The following LHFPL3 variants were observed in gnomAD, a reference collection of about 807,000 sequenced individuals.
LHFPL3 encodes the protein LHFPL tetraspan subfamily member 3.
A neutral mutation model predicts 19.3 loss-of-function variants in LHFPL3; 5 were observed. That is an observed-to-expected ratio of 0.26 (90% CI 0.14 to 0.54). LHFPL3 has a LOEUF of 0.54. LHFPL3 is among the 20% of genes least tolerant of loss of function. LHFPL3 has a pLI of 0.94. For synonymous variants in LHFPL3, 133 were observed against 126.2 expected, an observed-to-expected ratio of 1.05 and a Z score of -0.36; for missense variants, 249 against 307.4, an observed-to-expected ratio of 0.81 and a Z score of 1.42.
intron 2 of LHFPL3, among the ~76,000 whole-genome samples, chr7:104,742,480 CTT>C (rs1034146952): frequency 3.3e-5 from 5 of 152,166 alleles, no homozygotes; most frequent in African/African-American, 1.2e-4. Flanking sequence ...ATTGAGAAAT[CTT>C]TCAAAATTTT....
intron 1 of LHFPL3, among the ~76,000 whole-genome samples, chr7:104,447,893 A>G (rs965230647): frequency 6.6e-6 from 1 of 152,168 alleles, no homozygotes; most frequent in African/African-American, 2.4e-5. Context: ...TTCAGGACAC[A>G]TGTACTATGT....
chr7:104,352,607 C>T (rs1262231645), intron 1 of LHFPL3, among the ~76,000 whole-genome samples: 1 of 152,194 alleles, frequency 6.6e-6, no homozygotes, highest in Non-Finnish European at 1.5e-5. Context: ...ATGTACCCTG[C>T]AAATTGGAAT....
At chr7:104,671,157 T>C (rs1186542357) in intron 1 of LHFPL3, among the ~76,000 whole-genome samples, 1 of 152,066 alleles carries the variant, frequency 6.6e-6, no homozygotes, top group Non-Finnish European at 1.5e-5. Flanking sequence ...GACAAAGGTG[T>C]GTACCAAGTG....
chr7:104,903,915 T>G (rs73419723), intron 2 of LHFPL3, among the ~76,000 whole-genome samples: 1 of 152,200 alleles, frequency 6.6e-6, no homozygotes, highest in African/African-American at 2.4e-5. Flanking sequence ...GTCTTTTTGG[T>G]AGAAGGATTT....
chr7:104,598,733 C>T (rs759548061), intron 1 of LHFPL3, among the ~76,000 whole-genome samples: 11 of 152,222 alleles, frequency 7.2e-5, no homozygotes, highest in Non-Finnish European at 1.0e-4. Context: ...CAAACAAAGG[C>T]AATTCTGCAA....
intron 2 of LHFPL3, among the ~76,000 whole-genome samples, chr7:104,804,501 T>C (rs1790316394): frequency 6.6e-6 from 1 of 152,230 alleles, no homozygotes; most frequent in Non-Finnish European, 1.5e-5. Flanking sequence ...GGCAAGACTT[T>C]GTAACATGCT....
intron 1 of LHFPL3, among the ~76,000 whole-genome samples, chr7:104,431,058 T>G (rs929680326): frequency 5.3e-5 from 8 of 152,242 alleles, no homozygotes; most frequent in Non-Finnish European, 8.8e-5. Flanking sequence ...TTCCTTCTTA[T>G]GTAAAAAGAC....
chr7:104,423,940 A>C (rs1378458267), intron 1 of LHFPL3, among the ~76,000 whole-genome samples: 2 of 152,224 alleles, frequency 1.3e-5, no homozygotes, highest in Non-Finnish European at 2.9e-5. Flanking sequence ...GCAGTCCAAA[A>C]GGTTTGCAGA....
chr7:104,903,245 G>A (rs2116733855), intron 2 of LHFPL3, among the ~76,000 whole-genome samples: 1 of 152,158 alleles, frequency 6.6e-6, no homozygotes, highest in African/African-American at 2.4e-5. Context: ...AGTCAAACCA[G>A]GCAGCTTAGC....
intron 2 of LHFPL3, among the ~76,000 whole-genome samples, chr7:104,900,421 C>T (rs181144099): frequency 1.1e-3 from 169 of 152,352 alleles, no homozygotes; most frequent in Non-Finnish European, 1.7e-3. Flanking sequence ...GTCAAAGTCT[C>T]ATTGTCCACT....
At chr7:104,498,743 G>T (rs971095624) in intron 1 of LHFPL3, among the ~76,000 whole-genome samples, 4 of 152,258 alleles carry the variant, frequency 2.6e-5, no homozygotes, top group African/African-American at 7.2e-5. Context: ...CTTCCAAAGT[G>T]TTGGGATTAT....
At chr7:104,815,920 A>G (rs1391458447) in intron 2 of LHFPL3, among the ~76,000 whole-genome samples, 1 of 152,150 alleles carries the variant, frequency 6.6e-6, no homozygotes, top group Non-Finnish European at 1.5e-5. Context: ...AGAATGAGGG[A>G]TTCATGCATG....
chr7:104,728,095 A>C (rs773853204), intron 1 of LHFPL3, among the ~76,000 whole-genome samples: 7 of 152,168 alleles, frequency 4.6e-5, no homozygotes, highest in Non-Finnish European at 1.0e-4. Flanking sequence ...GAAGAATCAA[A>C]TATGACCCAC....
chr7:104,807,369 T>C (rs541122853), intron 2 of LHFPL3, among the ~76,000 whole-genome samples: 2 of 152,280 alleles, frequency 1.3e-5, no homozygotes, highest in African/African-American at 4.8e-5. Context: ...AAGGAATCAA[T>C]CCTGCCGACA....
intron 1 of LHFPL3, among the ~76,000 whole-genome samples, chr7:104,735,158 G>A (rs945080751): frequency 2.0e-5 from 3 of 152,246 alleles, no homozygotes; most frequent in Non-Finnish European, 4.4e-5. Flanking sequence ...AGGCTACTCA[G>A]GAGTGAGGGA....
At chr7:104,559,936 A>G (rs1789950046) in intron 1 of LHFPL3, among the ~76,000 whole-genome samples, 1 of 149,848 alleles carries the variant, frequency 6.7e-6, no homozygotes. Flanking sequence ...TATTGAGATA[A>G]TCATGTGGTT....
chr7:104,664,562 G>A (rs1792295630), intron 1 of LHFPL3, among the ~76,000 whole-genome samples: 1 of 152,152 alleles, frequency 6.6e-6, no homozygotes, highest in Admixed American at 6.5e-5. Flanking sequence ...GGTCCAGATA[G>A]TAAATATTTT....
intron 1 of LHFPL3, among the ~76,000 whole-genome samples, chr7:104,539,348 T>C (rs1208667128): frequency 6.6e-6 from 1 of 152,180 alleles, no homozygotes. Context: ...GGTGAGAAGA[T>C]GCTGCTGATT....
intron 1 of LHFPL3, among the ~76,000 whole-genome samples, chr7:104,671,193 C>T (rs767460560): frequency 5.9e-5 from 9 of 151,598 alleles, no homozygotes; most frequent in Non-Finnish European, 4.4e-5. Flanking sequence ...TGTGGATTGG[C>T]CAGTAGCTAA....
Sources: allele counts gnomAD v4.1 joint callset (sites outside exome capture counted in the v4.1 genomes callset), GRCh38; gene constraint gnomAD v4.1.1; transcripts MANE v1.5; gene names NCBI Gene and HGNC (gene_info 2026-07-23, HGNC 2026-07-21).